PARVB: variants seen among roughly 807,000 people sequenced by gnomAD.
PARVB encodes the protein beta-parvin.
PARVB carries 46 observed loss-of-function variants against 47.0 expected under a neutral mutation model. That is an observed-to-expected ratio of 0.98 (90% CI 0.77 to 1.25). The LOEUF (loss-of-function observed/expected upper bound fraction) is 1.25. PARVB is among the 50% of genes most tolerant of loss of function. PARVB has a pLI of 0.00. For synonymous variants in PARVB, 196 were observed against 196.3 expected (o/e 1.00, Z 0.01); for missense variants, 473 against 471.6 (o/e 1.00, Z -0.03).
At chr22:44,157,187 G>A (rs2053954320) in intron 10 of PARVB, among the ~76,000 whole-genome samples, 1 of 152,208 alleles carries the variant, frequency 6.6e-6, no homozygotes, top group Non-Finnish European at 1.5e-5. Flanking sequence ...TCTGCTGCAA[G>A]ACAGAGTGGT....
intron 1 of PARVB, among the ~76,000 whole-genome samples, chr22:44,063,467 T>C (rs553408645): frequency 6.6e-6 from 1 of 152,154 alleles, no homozygotes; most frequent in Admixed American, 6.5e-5. Flanking sequence ...CCTCAGGTGA[T>C]CCACCTGTCT....
chr22:44,021,652 A>G (rs933727875), upstream of PARVB, among the ~76,000 whole-genome samples: 1 of 152,098 alleles, frequency 6.6e-6, no homozygotes, highest in Non-Finnish European at 1.5e-5. Flanking sequence ...AGGAAAACCA[A>G]TGCATAAATA....
At chr22:44,132,770 T>TTCGCTCCATCCTTGTC (rs1441414936) in intron 5 of PARVB, 124 bp from the exon 6 acceptor site, 24 of 623,086 alleles carry the variant, frequency 3.9e-5, no homozygotes, top group African/African-American at 3.0e-4. Context: ...TTGTCCACAC[T>TTCGCTCCATCCTTGTC]TCGCTCCATC....
Position 44,010,812 on chromosome 22 carries a change from C to T in PARVB, c.211+11139C>T, listed in dbSNP as rs184817864. On this transcript the variant is annotated intron_variant, in intron 2 of 13. Transcript: ENST00000406477. ...GGGACCAAAAAAATCAAAAATTTTA[C>T]GACATATGAAAATTATGTGAAATTC... Among the ~76,000 whole-genome samples the T allele has an allele frequency of 1.8e-3, 275 of 150,198 alleles. 2 individuals are homozygous for T. The highest frequency in any genetic ancestry group is 3.1e-3 in the Admixed American group (47 of 15,070).
chr22:44,013,385 G>A (rs1285994039), intron 2 of PARVB, among the ~76,000 whole-genome samples: 1 of 152,198 alleles, frequency 6.6e-6, no homozygotes, highest in Non-Finnish European at 1.5e-5. Flanking sequence ...TGGAACGTCT[G>A]TTGACTTTTC....
chr22:44,008,187 G>A (rs922629502), intron 2 of PARVB, among the ~76,000 whole-genome samples: 2 of 151,928 alleles, frequency 1.3e-5, no homozygotes, highest in Admixed American at 6.6e-5. Flanking sequence ...TGCAACCTCC[G>A]CCTCCCAGGT....
intron 1 of PARVB, among the ~76,000 whole-genome samples, chr22:44,048,138 T>C (rs941738979): frequency 3.3e-5 from 5 of 151,942 alleles, no homozygotes; most frequent in African/African-American, 4.8e-5. Context: ...GAATGTGGAG[T>C]TGAGCTTCCT....
chr22:44,014,733 A>C (rs906975766), intron 2 of PARVB, among the ~76,000 whole-genome samples: 10 of 152,112 alleles, frequency 6.6e-5, no homozygotes, highest in Admixed American at 6.5e-4. Context: ...CGGTTTGATC[A>C]TTGTCCTTCC....
intron 2 of PARVB, among the ~76,000 whole-genome samples, chr22:44,002,327 T>C (rs2050421433): frequency 6.6e-6 from 1 of 152,218 alleles, no homozygotes; most frequent in Admixed American, 6.5e-5. Flanking sequence ...AATAGAGTAA[T>C]TGTGAGAATG....
In PARVB at chr22:44,035,797, C is replaced by CT. The variant is rs879538236; in HGVS notation, c.112+11360dup. ...AATACGTGGGAACCCAAACAGATCA[C>CT]TTTTTTTTTTTTTTACTATGATATG... is the stretch of plus-strand genomic sequence containing the variant. On this transcript the variant is annotated intron_variant, in intron 1 of 12. Transcript: ENST00000338758. Among the ~76,000 whole-genome samples, 561 of 142,854 alleles carry CT rather than the reference C, an allele frequency of 3.9e-3. 2 individuals carry two copies. The highest frequency in any genetic ancestry group is 0.011 in the Middle Eastern group (3 of 264). 93.7% of individuals were successfully genotyped at this position (142,854 alleles called of 152,430 possible).
upstream of PARVB, among the ~76,000 whole-genome samples, chr22:44,022,016 C>G (rs183937698): frequency 2.6e-5 from 4 of 152,220 alleles, no homozygotes; most frequent in Admixed American, 2.6e-4. Flanking sequence ...CCCCAGTACA[C>G]AGGGGTATTA....
intron 1 of PARVB, among the ~76,000 whole-genome samples, 174 bp from the exon 2 acceptor site, chr22:44,093,754 T>C (rs2052228219): frequency 6.6e-6 from 1 of 152,208 alleles, no homozygotes; most frequent in African/African-American, 2.4e-5. Flanking sequence ...CAGAATGTAT[T>C]CTTGGTTCAG....
intron 11 of PARVB, among the ~76,000 whole-genome samples, chr22:44,162,573 G>A (rs542746967): frequency 7.2e-5 from 11 of 152,212 alleles, no homozygotes; most frequent in African/African-American, 1.4e-4. Context: ...CACCTGCCTC[G>A]GCCTCACAAA....
chr22:44,168,453 C>A, intron 12 of PARVB, 149 bp from the exon 13 acceptor site: 1 of 641,632 alleles, frequency 1.6e-6, no homozygotes. Flanking sequence ...CCCAGAGCGT[C>A]CTGGACATGG....
At chr22:44,090,370 G>T in intron 1 of PARVB, among the ~76,000 whole-genome samples, 1 of 152,192 alleles carries the variant, frequency 6.6e-6, no homozygotes, top group South Asian at 2.1e-4. Flanking sequence ...CCTTCAGAAT[G>T]CGCTGCTGAG....
At chr22:44,067,951 C>T (rs2051571443) in intron 1 of PARVB, among the ~76,000 whole-genome samples, 2 of 152,118 alleles carry the variant, frequency 1.3e-5, no homozygotes, top group Admixed American at 6.5e-5. Flanking sequence ...TGAGCCCTCA[C>T]TGTTGATCCT....
chr22:44,088,734 A>T (rs1040809402), intron 1 of PARVB, among the ~76,000 whole-genome samples: 1 of 152,114 alleles, frequency 6.6e-6, no homozygotes, highest in Non-Finnish European at 1.5e-5. Context: ...GGCCTCCCAG[A>T]GTGCTGGAAT....
intron 4 of PARVB, 80 bp downstream of exon 4, chr22:44,119,220 A>C (rs564530247): frequency 8.3e-6 from 8 of 963,932 alleles, no homozygotes; most frequent in Non-Finnish European, 1.3e-5. Flanking sequence ...TTCTCTGCAT[A>C]GTGACATCGG....
At chr22:44,097,394 C>T (rs150382371) in intron 2 of PARVB, among the ~76,000 whole-genome samples, 172 of 152,278 alleles carry the variant, frequency 1.1e-3, no homozygotes, top group Middle Eastern at 6.8e-3. Flanking sequence ...GCCGCGTGAG[C>T]AGCCCGTAGC....
Sources: gnomAD v4.1 joint callset for allele counts (sites outside exome capture counted in the v4.1 genomes callset) on GRCh38, gnomAD v4.1.1 for gene constraint, MANE v1.5 for transcripts, NCBI Gene and HGNC (gene_info 2026-07-23, HGNC 2026-07-21) for gene names.